Variants in ANKFY1 observed in about 807,000 individuals in gnomAD.
The protein encoded by ANKFY1 is ankyrin repeat and FYVE domain containing 1.
ANKFY1 carries 47 observed loss-of-function variants against 128.3 expected under a neutral mutation model. That is an observed-to-expected ratio of 0.37 (90% confidence interval 0.29 to 0.47). ANKFY1 has a LOEUF of 0.47. ANKFY1 is among the 20% of genes least tolerant of loss of function. ANKFY1 has a pLI of 1.00. For synonymous variants in ANKFY1, 553 were observed against 601.6 expected (o/e 0.92, Z 1.18); for missense variants, 1,222 against 1,510.6 (o/e 0.81, Z 3.17).
chr17:4,173,400 C>T lies in ANKFY1; in HGVS notation c.2968G>A (p.Val990Ile). The T allele has an allele frequency of 6.2e-7, 1 of 1,614,164 alleles. No homozygotes were observed. The highest frequency in any genetic ancestry group is 8.5e-7 in the Non-Finnish European group (1 of 1,180,022). ...VMHGRLNNIR[V>I]LLTECTVDAE... The stretch of plus-strand genomic sequence containing the variant: ...TCCACTGTGCACTCTGTCAGGAGAA[C>T]CCGGATGTTGTTGAGCCGGCCGTGC... The change falls in exon 21 of 25, where the codon GTT becomes ATT. Residue 990 changes from valine (V) to isoleucine (I), a missense_variant. Physicochemically the swap from Val to Ile is conservative, Grantham distance 29. Transcript: ENST00000341657.
In ANKFY1 at chr17:4,263,971, G is replaced by C. The variant is rs765282490; in HGVS notation, c.-30C>G. 50 of 1,613,816 alleles carry C rather than the reference G, an allele frequency of 3.1e-5. No individual in the cohort carries two copies. Among genetic ancestry groups the C allele is most frequent in the Non-Finnish European group, 4.1e-5 (48 of 1,179,942 alleles). On this transcript the variant is annotated 5_prime_UTR_variant, in exon 1 of 25. Transcript: ENST00000341657. ...GGCCCGGCACTGCCTGCAACCTCGC[G>C]AGAAGTGCGCGGCTCAACCGGGGCG...
chr17:4,262,069 C>T (rs919739127), intron 1 of ANKFY1, among the ~76,000 whole-genome samples: 23 of 152,212 alleles, frequency 1.5e-4, no homozygotes, highest in Non-Finnish European at 2.6e-4. Context: ...CTCATACCTG[C>T]AACCCCAGCA....
At position 4,172,616 on chromosome 17, in the gene ANKFY1, G is replaced by T. The variant is rs552448221; in HGVS notation, c.3079C>A (p.Leu1027Ile). The change falls in exon 22 of 25, where the codon CTC becomes ATC. Residue 1027 changes from leucine to isoleucine, a missense_variant. Transcript: ENST00000341657. ...TACCCCGGCATGCATTCTAGGAAGA[G>T]ATCAAAGATGGCCGCTGCATTCTCC... The part of the protein sequence containing the change: ...GKENAAAIFD[L>I]FLECMPGYPL... 13 of 1,614,138 alleles carry T rather than the reference G, an allele frequency of 8.1e-6. No individual in the cohort carries two copies. In the East Asian group the frequency reaches 2.9e-4, roughly 36 times the overall value.
At chr17:4,256,293 T>C (rs939767241) in intron 1 of ANKFY1, among the ~76,000 whole-genome samples, 1 of 151,726 alleles carries the variant, frequency 6.6e-6, no homozygotes, top group African/African-American at 2.4e-5. Context: ...CCAGGCGCAG[T>C]GGCGGGCGCC....
intron 1 of ANKFY1, 167 bp downstream of exon 1, chr17:4,263,765 G>C (rs770962188): frequency 6.5e-7 from 1 of 1,542,564 alleles, no homozygotes; most frequent in South Asian, 1.2e-5. Context: ...ACCGCGCTCC[G>C]GACCCCGGCC....
At chr17:4,231,379 CTTGAGAGGCTGAG>C (rs2060509567) in intron 3 of ANKFY1, among the ~76,000 whole-genome samples, 1 of 152,082 alleles carries the variant, frequency 6.6e-6, no homozygotes, top group African/African-American at 2.4e-5. Context: ...CTCCCAGCTA[CTTGAGAGGCTGAG>C]GTGGGAGGAT....
Position 4,173,961 on chromosome 17 carries a change from G to A in ANKFY1, c.2871C>T (p.Val957=). The A allele has an allele frequency of 1.9e-6, 3 of 1,614,208 alleles. No individual in the cohort carries two copies. Among genetic ancestry groups the A allele is most frequent in the Non-Finnish European group, 2.5e-6 (3 of 1,180,008 alleles). ...AQQDLPTICS[V]LLENGVDFAA... is the part of the protein sequence containing the mutation. ...CAAAGTCCACGCCATTCTCTAGGAG[G>A]ACTGAGCAGATGGTGGGCAGGTCCT... Residue 957 remains valine, a synonymous_variant, in exon 20 of 25, where the codon GTC becomes GTT. Coordinates refer to ENST00000341657, the MANE Select transcript of ANKFY1 (RefSeq NM_001330063.2).
chr17:4,173,844 G>T (rs1327327071), intron 20 of ANKFY1, 65 bp downstream of exon 20: 6 of 1,561,844 alleles, frequency 3.8e-6, no homozygotes, highest in Non-Finnish European at 5.2e-6. Flanking sequence ...ACCCAAGGGT[G>T]CACTGCACCC....
At chr17:4,172,981 T>TCCC (rs2065122500) in intron 21 of ANKFY1, among the ~76,000 whole-genome samples, 1 of 152,162 alleles carries the variant, frequency 6.6e-6, no homozygotes, top group African/African-American at 2.4e-5. Flanking sequence ...TGCCTCAGCC[T>TCCC]GAGTATCTGG....
intron 8 of ANKFY1, among the ~76,000 whole-genome samples, chr17:4,196,817 C>T (rs1290657269): frequency 6.6e-6 from 1 of 152,208 alleles, no homozygotes; most frequent in East Asian, 1.9e-4. Context: ...TTCCTTCAAA[C>T]ATGAGATACA....
chr17:4,175,349 AAAAAAAAGAAAG>A (rs1284876343), intron 19 of ANKFY1, among the ~76,000 whole-genome samples: 27 of 151,960 alleles, frequency 1.8e-4, no homozygotes, highest in Non-Finnish European at 3.4e-4. Flanking sequence ...GGAAAAAGAA[AAAAAAAAGAAAG>A]AAAAAAAGGG....
At chr17:4,251,120 T>C (rs947121026) in intron 1 of ANKFY1, among the ~76,000 whole-genome samples, 3 of 152,202 alleles carry the variant, frequency 2.0e-5, no homozygotes, top group Non-Finnish European at 4.4e-5. Flanking sequence ...AATCCAGGAA[T>C]AGACTTTGAC....
chr17:4,223,170 A>C, intron 3 of ANKFY1: 1 of 796,474 alleles, frequency 1.3e-6, no homozygotes. Flanking sequence ...ATGCTCACTG[A>C]AAGTCGTAAG....
intron 4 of ANKFY1, among the ~76,000 whole-genome samples, chr17:4,213,643 T>C (rs557322359): frequency 2.1e-4 from 31 of 151,164 alleles, no homozygotes; most frequent in Middle Eastern, 3.4e-3. Context: ...CTCGGCTCAC[T>C]GCAACCTCCG....
chr17:4,230,216 C>T (rs1175002732), intron 3 of ANKFY1, among the ~76,000 whole-genome samples: 2 of 152,130 alleles, frequency 1.3e-5, no homozygotes, highest in Admixed American at 6.5e-5. Context: ...CCAGATGGTG[C>T]TTCAGGGGAT....
intron 17 of ANKFY1, chr17:4,179,487 G>C: frequency 1.7e-6 from 1 of 580,358 alleles, no homozygotes; most frequent in Non-Finnish European, 3.0e-6. Flanking sequence ...CTGTAACTAA[G>C]GGGGAATAGG....
rs1300627645 is a variant in ANKFY1 at position 4,164,675 on chromosome 17, TCC to T, written c.*3102_*3103del. On this transcript the variant is annotated 3_prime_UTR_variant, in exon 25 of 25. Transcript: ENST00000341657. ...AGAAACCTAGATGGAGGTCAAGCTC[TCC>T]CCTTTCCCAAGACGTTCCCTCCACT... 1 of 152,186 alleles carries T rather than the reference TCC, an allele frequency of 6.6e-6. No individual in the cohort carries two copies. The highest frequency in any genetic ancestry group is 1.5e-5 in the Non-Finnish European group (1 of 68,046). The allele number at this position is 152,186 out of a possible 1,614,324, so 9.4% of individuals were successfully genotyped here.
chr17:4,243,179 G>A (rs1466495192), intron 1 of ANKFY1, among the ~76,000 whole-genome samples: 1 of 151,932 alleles, frequency 6.6e-6, no homozygotes, highest in Non-Finnish European at 1.5e-5. Context: ...CGATTCTCCT[G>A]CCTCAGCCTC....
rs549037784 is a variant in ANKFY1, at chr17:4,181,682, C to T, written c.2122-310G>A. Among the ~76,000 whole-genome samples the T allele has an allele frequency of 1.3e-5, 2 of 152,310 alleles. No homozygotes were observed. Among genetic ancestry groups the T allele is most frequent in the East Asian group, 3.9e-4 (2 of 5,192 alleles). On this transcript the variant is annotated intron_variant, in intron 15 of 24. Coordinates refer to ENST00000341657, the MANE Select transcript of ANKFY1 (RefSeq NM_001330063.2). This position sits in a 1 kb window ranked among gnomAD's most constrained non-coding sequence, Gnocchi z 4.9. ...AACAGAAAGTGTCTGTGTACACATG[C>T]ACCAACGGGTCCTCAGTAACACACA...
Sources: allele counts gnomAD v4.1 joint callset (sites outside exome capture counted in the v4.1 genomes callset), GRCh38; gene constraint gnomAD v4.1.1; non-coding constraint Gnocchi (gnomAD v3.1); transcripts MANE v1.5; gene names NCBI Gene and HGNC (gene_info 2026-07-23, HGNC 2026-07-21).